Variants in SLC44A5 observed in about 807,000 individuals in gnomAD.
SLC44A5 encodes solute carrier family 44 member 5.
SLC44A5 carries 57 observed loss-of-function variants against 101.8 expected under a neutral mutation model. The observed-to-expected ratio is 0.56, with a 90% confidence interval of 0.45 to 0.70. The LOEUF is 0.70. SLC44A5 is among the 30% of genes least tolerant of loss of function. SLC44A5 has a pLI of 0.00. For synonymous variants in SLC44A5, 281 were observed against 290.9 expected (o/e 0.97, Z 0.35); for missense variants, 737 against 853.1 (o/e 0.86, Z 1.70).
chr1:75,567,205 T>A (rs1203432740), intron 1 of SLC44A5, among the ~76,000 whole-genome samples: 1 of 151,704 alleles, frequency 6.6e-6, no homozygotes, highest in Non-Finnish European at 1.5e-5. Context: ...GGATAACTTT[T>A]TGCACTTTTT....
At chr1:75,272,499 T>C (rs2100737593) in intron 6 of SLC44A5, among the ~76,000 whole-genome samples, 1 of 152,258 alleles carries the variant, frequency 6.6e-6, no homozygotes, top group Middle Eastern at 3.4e-3. Context: ...TCCAATGTTT[T>C]TTTCTAGAAG....
At chr1:75,668,314 C>CT in the SLC44A5 span, among the ~76,000 whole-genome samples, 16 of 63,244 alleles carry the variant, frequency 2.5e-4, no homozygotes, top group East Asian at 5.5e-3. Context: ...ATCCTAGGAG[C>CT]CTTTTTTTTT....
chr1:75,621,968 T>C, the SLC44A5 span, among the ~76,000 whole-genome samples: 1 of 152,118 alleles, frequency 6.6e-6, no homozygotes, highest in African/African-American at 2.4e-5. Context: ...TATGTACACA[T>C]GAGACTTAAA....
At chr1:75,629,347 A>G in the SLC44A5 span, among the ~76,000 whole-genome samples, 1 of 152,216 alleles carries the variant, frequency 6.6e-6, no homozygotes, top group African/African-American at 2.4e-5. Context: ...ACCAAATTCC[A>G]GATTACTTTC....
chr1:75,371,489 C>A (rs984316831), intron 3 of SLC44A5, among the ~76,000 whole-genome samples: 16 of 151,998 alleles, frequency 1.1e-4, no homozygotes, highest in African/African-American at 3.9e-4. Context: ...TCCAAAGACC[C>A]AAGTAGCTTT....
chr1:75,255,248 A>G (rs1231962728), intron 6 of SLC44A5, among the ~76,000 whole-genome samples: 3 of 152,184 alleles, frequency 2.0e-5, no homozygotes, highest in Admixed American at 6.5e-5. Flanking sequence ...GAATCAAAAC[A>G]TAAAAGAGAA....
chr1:75,261,017 T>C (rs1354019478), intron 6 of SLC44A5, among the ~76,000 whole-genome samples: 4 of 152,072 alleles, frequency 2.6e-5, no homozygotes, highest in Non-Finnish European at 5.9e-5. Context: ...TGGGACACAT[T>C]TAAAGCAGTC....
At chr1:75,265,559 T>G (rs1168324570) in intron 6 of SLC44A5, among the ~76,000 whole-genome samples, 1 of 152,136 alleles carries the variant, frequency 6.6e-6, no homozygotes, top group Non-Finnish European at 1.5e-5. Context: ...AGCTAGGAGA[T>G]GGGACTTGAA....
intron 2 of SLC44A5, among the ~76,000 whole-genome samples, chr1:75,412,116 T>C (rs573824066): frequency 1.2e-4 from 18 of 152,308 alleles, no homozygotes; most frequent in African/African-American, 4.3e-4. Flanking sequence ...TTCACAATAC[T>C]GTTCATGCAG....
the SLC44A5 span, among the ~76,000 whole-genome samples, chr1:75,680,863 A>C: frequency 4.0e-5 from 6 of 151,818 alleles, no homozygotes; most frequent in African/African-American, 9.7e-5. Context: ...ATAGACGGCT[A>C]GCAAGACTAA....
intron 2 of SLC44A5, among the ~76,000 whole-genome samples, chr1:75,445,561 T>TACATA (rs375639792): frequency 2.7e-5 from 4 of 148,458 alleles, no homozygotes; most frequent in Admixed American, 1.3e-4. Context: ...ATGTATAAAT[T>TACATA]ATATATATAA....
At chr1:75,473,848 G>A (rs1667240986) in intron 2 of SLC44A5, among the ~76,000 whole-genome samples, 1 of 152,028 alleles carries the variant, frequency 6.6e-6, no homozygotes, top group Non-Finnish European at 1.5e-5. Flanking sequence ...AATTTGTCCA[G>A]CCTAGCTGGT....
At chr1:75,460,463 C>G (rs2101691317) in intron 2 of SLC44A5, among the ~76,000 whole-genome samples, 1 of 152,274 alleles carries the variant, frequency 6.6e-6, no homozygotes, top group Non-Finnish European at 1.5e-5. Flanking sequence ...AAAGTGAAAC[C>G]TTTCTCCCAA....
chr1:75,347,937 T>C (rs1305909363), intron 3 of SLC44A5, among the ~76,000 whole-genome samples: 1 of 152,134 alleles, frequency 6.6e-6, no homozygotes, highest in Non-Finnish European at 1.5e-5. Context: ...AAAGAAAACC[T>C]TGGGATTATT....
the SLC44A5 span, among the ~76,000 whole-genome samples, chr1:75,705,171 G>A: frequency 6.6e-6 from 1 of 152,130 alleles, no homozygotes; most frequent in Non-Finnish European, 1.5e-5. Flanking sequence ...GCACTACAGA[G>A]ATAAATCCTA....
At chr1:75,465,666 A>G (rs1294937721) in intron 2 of SLC44A5, among the ~76,000 whole-genome samples, 5 of 152,104 alleles carry the variant, frequency 3.3e-5, no homozygotes, top group Non-Finnish European at 1.5e-5. Flanking sequence ...GAGAAGACCC[A>G]AATAAATAAA....
chr1:75,269,731 G>A (rs1373968165), intron 6 of SLC44A5, among the ~76,000 whole-genome samples: 1 of 151,862 alleles, frequency 6.6e-6, no homozygotes, highest in Non-Finnish European at 1.5e-5. Context: ...ATTTCTTTCT[G>A]TCTGGTTTTA....
intron 3 of SLC44A5, among the ~76,000 whole-genome samples, chr1:75,364,279 T>C (rs1459919163): frequency 6.6e-6 from 1 of 152,174 alleles, no homozygotes; most frequent in African/African-American, 2.4e-5. Context: ...ACAGGAATCA[T>C]GCTGCTGGCA....
At chr1:75,669,321 G>A in the SLC44A5 span, among the ~76,000 whole-genome samples, 4 of 152,102 alleles carry the variant, frequency 2.6e-5, no homozygotes, top group East Asian at 7.7e-4. Context: ...CTATACCCAA[G>A]GTCACTGTAC....
Sources: gnomAD v4.1 joint callset for allele counts (sites outside exome capture counted in the v4.1 genomes callset) on GRCh38, gnomAD v4.1.1 for gene constraint, MANE v1.5 for transcripts, NCBI Gene and HGNC (gene_info 2026-07-23, HGNC 2026-07-21) for gene names.